RBMXL1: variants seen among roughly 807,000 people sequenced by gnomAD.
RBMXL1 encodes the protein RBMX like 1, also known as RNA binding motif protein, X-linked-like-1.
A neutral mutation model predicts 29.0 loss-of-function variants in RBMXL1; 18 were observed. The ratio of observed to expected loss-of-function variants is 0.62; its 90% CI spans 0.43 to 0.92. The LOEUF is 0.92. RBMXL1 is among the 40% of genes least tolerant of loss of function. The probability of loss-of-function intolerance (pLI) is 0.00; values close to 1 mark genes in which losing one functional copy is unlikely to be tolerated. For missense variants in RBMXL1, 403 were observed against 495.8 expected (o/e 0.81, Z 1.78); for synonymous variants, 141 against 170.4 (o/e 0.83, Z 1.34).
chr1:88,983,922 G>T lies in RBMXL1; in HGVS notation c.-96C>A. 2 of 1,455,936 alleles carry T rather than the reference G, an allele frequency of 1.4e-6. No individual in the cohort carries two copies. Among genetic ancestry groups the T allele is most frequent in the Non-Finnish European group, 9.6e-7 (1 of 1,040,854 alleles). The allele number at this position is 1,455,936 out of a possible 1,614,324, so 90.2% of individuals were successfully genotyped here. On this transcript the variant is annotated 5_prime_UTR_variant, in exon 3 of 3. Transcript: ENST00000652648. ...TCCTAGCAGCTCAGCACCAGTGGCGGCTGTCAGTTAGGAGGACTGAACCGC... is the reference window on the plus strand; with the variant it reads ...TCCTAGCAGCTCAGCACCAGTGGCGTCTGTCAGTTAGGAGGACTGAACCGC...
At chr1:88,986,868 A>G (rs1305835351) in intron 2 of RBMXL1, among the ~76,000 whole-genome samples, 1 of 152,214 alleles carries the variant, frequency 6.6e-6, no homozygotes, top group Non-Finnish European at 1.5e-5. Flanking sequence ...GTCCAGCAAT[A>G]GGAAGAATAT....
At position 88,983,867 on chromosome 1, in the gene RBMXL1, C is replaced by G. The variant is rs111754940; in HGVS notation, c.-41G>C. ...TGAGTCGGAGGGGTGACAGTGGGTT[C>G]AAGCTCCAACAAGCTCGCCGACAGG... is the stretch of plus-strand genomic sequence containing the variant. On this transcript the variant is annotated 5_prime_UTR_variant, in exon 3 of 3. Coordinates refer to ENST00000652648, the MANE Select transcript of RBMXL1 (RefSeq NM_001162536.3). 1.6e-4 allele frequency: 258 copies of G among 1,607,174 alleles called. No homozygotes were observed. In the African/African-American group the frequency reaches 3.1e-3, roughly 19 times the overall value.
chr1:88,988,420 C>G (rs991987817), intron 1 of RBMXL1, 69 bp from the exon 2 acceptor site: 5 of 854,498 alleles, frequency 5.9e-6, no homozygotes, highest in Non-Finnish European at 9.5e-6. Flanking sequence ...CAGACACTTA[C>G]AGCTAGCTGA....
intron 1 of RBMXL1, among the ~76,000 whole-genome samples, chr1:88,990,200 G>A (rs1033762353): frequency 2.0e-5 from 3 of 151,746 alleles, no homozygotes; most frequent in Admixed American, 6.6e-5. Context: ...TTCCCTCTAC[G>A]GATACCTTGC....
rs1367554169 is a variant in RBMXL1, at chr1:88,981,019, C to G, written c.*1635G>C. The G allele has an allele frequency of 1.3e-5, 2 of 152,316 alleles. No homozygotes were observed. Among genetic ancestry groups the G allele is most frequent in the Middle Eastern group, 3.4e-3 (1 of 294 alleles). The allele number at this position is 152,316 out of a possible 1,614,324, so 9.4% of individuals were successfully genotyped here. A position where few individuals can be genotyped will look rare whatever the true frequency, so the allele number is the denominator to read the frequency against. ...AGTTGAGTTAGTTCCTCTAATCCAA[C>G]AACTCAAGTCTGTTTCCTTTGAGAA... On this transcript the variant is annotated 3_prime_UTR_variant, in exon 3 of 3. Coordinates refer to ENST00000652648, the MANE Select transcript of RBMXL1 (RefSeq NM_001162536.3).
In RBMXL1 at chr1:88,980,617, G is replaced by A. The variant is rs186759973; in HGVS notation, c.*2037C>T. The A allele has an allele frequency of 4.8e-4, 73 of 152,516 alleles. 3 individuals carry two copies. The highest frequency in any genetic ancestry group is 1.7e-3 in the African/African-American group (69 of 41,506). 9.4% of individuals were successfully genotyped at this position (152,516 alleles called of 1,614,324 possible). On this transcript the variant is annotated 3_prime_UTR_variant, in exon 3 of 3. Coordinates refer to ENST00000652648, the MANE Select transcript of RBMXL1 (RefSeq NM_001162536.3). ...TCAAGATCTGATTCTTTTTCCACAC[G>A]TCTGCTAGTTCAGTAAACTATTTAT...
In RBMXL1 at chr1:88,983,242, T is replaced by A. The variant is rs1449444807; in HGVS notation, c.585A>T (p.Arg195=). Residue 195 remains arginine, a synonymous_variant, in exon 3 of 3, where the codon CGA becomes CGT. Coordinates refer to ENST00000652648, the MANE Select transcript of RBMXL1 (RefSeq NM_001162536.3). ...RGRDSYGGPP[R]REPLPSRRDV... is the part of the protein sequence containing the mutation. ...CTCTACGAGAGGGGAGCGGTTCCCT[T>A]CGAGGTGGACCTCCATAACTATCTC... The A allele has an allele frequency of 6.2e-7, 1 of 1,613,440 alleles. No individual in the cohort carries two copies. Among genetic ancestry groups the A allele is most frequent in the Non-Finnish European group, 8.5e-7 (1 of 1,179,942 alleles).
At chr1:88,987,715 G>A (rs1443189692) in intron 2 of RBMXL1, among the ~76,000 whole-genome samples, 1 of 151,814 alleles carries the variant, frequency 6.6e-6, no homozygotes, top group Non-Finnish European at 1.5e-5. Flanking sequence ...CTACATACTT[G>A]GCATATTATC....
chr1:88,992,550 A>AGAGCC (rs1364729210), intron 1 of RBMXL1, 35 bp downstream of exon 1: 11 of 152,600 alleles, frequency 7.2e-5, no homozygotes, highest in African/African-American at 2.7e-4. Context: ...TCCGCACGGA[A>AGAGCC]GCGCCGCGCC....
rs1275648341 is a variant in RBMXL1, at chr1:88,980,315, A to C, written c.*2339T>G. ...AGTTTACTGTAACTTGATAAAGCTG[A>C]ATTTAAAAAGCTGCCAGAGTATTCT... On this transcript the variant is annotated 3_prime_UTR_variant, in exon 3 of 3. Coordinates refer to ENST00000652648, the MANE Select transcript of RBMXL1 (RefSeq NM_001162536.3). 1 of 152,586 alleles carries C rather than the reference A, an allele frequency of 6.6e-6. No homozygotes were observed. The highest frequency in any genetic ancestry group is 1.5e-5 in the Non-Finnish European group (1 of 68,026). The allele number at this position is 152,586 out of a possible 1,614,324, so 9.5% of individuals were successfully genotyped here. A position where few individuals can be genotyped will look rare whatever the true frequency, so the allele number is the denominator to read the frequency against.
At chr1:88,986,900 T>C (rs759566296) in intron 2 of RBMXL1, among the ~76,000 whole-genome samples, 1 of 152,250 alleles carries the variant, frequency 6.6e-6, no homozygotes, top group Non-Finnish European at 1.5e-5. Flanking sequence ...CCTGTGCGAC[T>C]ATTTTAAATG....
chr1:88,986,101 A>G (rs1677432844), intron 2 of RBMXL1, among the ~76,000 whole-genome samples: 1 of 151,758 alleles, frequency 6.6e-6, no homozygotes, highest in African/African-American at 2.4e-5. Context: ...GAATTGCTTG[A>G]ACCCGAGAGG....
In RBMXL1 at chr1:88,984,036, C is replaced by A; in HGVS notation, c.-210G>T. 2.1e-6 allele frequency: 1 copy of A among 474,952 alleles called. No homozygotes were observed. Among genetic ancestry groups the A allele is most frequent in the Non-Finnish European group, 4.0e-6 (1 of 249,796 alleles). 29.4% of individuals were successfully genotyped at this position (474,952 alleles called of 1,614,324 possible). A position where few individuals can be genotyped will look rare whatever the true frequency, so the allele number is the denominator to read the frequency against. On this transcript the variant is annotated 5_prime_UTR_variant, in exon 3 of 3. Transcript: ENST00000652648. ...CCAGGAAAATTACTTTCTTTTGCCACTAGATGGCAGAGGAAAACAACAGAA... is the reference window on the plus strand; with the variant it reads ...CCAGGAAAATTACTTTCTTTTGCCAATAGATGGCAGAGGAAAACAACAGAA...
intron 2 of RBMXL1, among the ~76,000 whole-genome samples, chr1:88,986,879 T>G (rs1677488680): frequency 6.6e-6 from 1 of 152,214 alleles, no homozygotes; most frequent in Non-Finnish European, 1.5e-5. Flanking sequence ...GGAAGAATAT[T>G]TATCTTTATC....
Position 88,982,901 on chromosome 1 carries a change from C to T in RBMXL1, c.926G>A (p.Arg309His), listed in dbSNP as rs753162241. Residue 309 changes from arginine (R) to histidine (H), a missense_variant, in exon 3 of 3, where the codon CGC becomes CAC. Coordinates refer to ENST00000652648, the MANE Select transcript of RBMXL1 (RefSeq NM_001162536.3). Reference sequence around the variant, plus strand: ...ACGTGAGCTGCTATAATCATCATAGCGACTGCTTCCACCATAAGATGGCGG... The same window carrying T: ...ACGTGAGCTGCTATAATCATCATAGTGACTGCTTCCACCATAAGATGGCGG... ...GPPPSYGGSS[R>H]YDDYSSSRDG... 120 of 1,613,864 alleles carry T rather than the reference C, an allele frequency of 7.4e-5. No homozygotes were observed. Among genetic ancestry groups the T allele is most frequent in the Non-Finnish European group, 9.4e-5 (111 of 1,179,884 alleles).
intron 1 of RBMXL1, among the ~76,000 whole-genome samples, chr1:88,988,566 A>G (rs932061747): frequency 1.3e-5 from 2 of 152,214 alleles, no homozygotes; most frequent in Admixed American, 1.3e-4. Context: ...ACACAAATTT[A>G]TATTCACATC....
intron 2 of RBMXL1, among the ~76,000 whole-genome samples, chr1:88,986,147 C>G (rs1028771619): frequency 2.0e-5 from 3 of 150,946 alleles, no homozygotes; most frequent in Non-Finnish European, 4.4e-5. Context: ...CGCCATTGCA[C>G]TCCAGCCTGG....
chr1:88,981,886 A>G lies in RBMXL1; in HGVS notation c.*768T>C, dbSNP rs1055963292. 7 of 823,846 alleles carry G rather than the reference A, an allele frequency of 8.5e-6. No individual in the cohort carries two copies. Among genetic ancestry groups the G allele is most frequent in the African/African-American group, 1.9e-5 (1 of 53,664 alleles). The allele number at this position is 823,846 out of a possible 1,614,324, so 51.0% of individuals were successfully genotyped here. A position where few individuals can be genotyped will look rare whatever the true frequency, so the allele number is the denominator to read the frequency against. ...TTATCTATTTTCTCCTTTGCAATCA[A>G]GCTGTTCCTTTAAAAGTGAGACATT... is the stretch of plus-strand genomic sequence containing the variant. On this transcript the variant is annotated 3_prime_UTR_variant, in exon 3 of 3. Transcript: ENST00000652648.
Position 88,982,651 on chromosome 1 carries a change from T to G in RBMXL1, c.*3A>C. On this transcript the variant is annotated 3_prime_UTR_variant, in exon 3 of 3. Transcript: ENST00000652648. ...GGATTTTGGTCCAAAGTTTTGTTTG[T>G]TTCTAGTATCTGCTTCTGCCTCCCC... The G allele has an allele frequency of 6.3e-7, 1 of 1,587,806 alleles. No individual in the cohort carries two copies. Among genetic ancestry groups the G allele is most frequent in the Non-Finnish European group, 8.6e-7 (1 of 1,168,314 alleles).
Sources: gnomAD v4.1 joint callset for allele counts (sites outside exome capture counted in the v4.1 genomes callset) on GRCh38, gnomAD v4.1.1 for gene constraint, MANE v1.5 for transcripts, NCBI Gene and HGNC (gene_info 2026-07-23, HGNC 2026-07-21) for gene names.